Variants in GSE1 observed in about 807,000 individuals in gnomAD.
The protein encoded by GSE1 is genetic suppressor element 1.
A neutral mutation model predicts 112.6 loss-of-function variants in GSE1; 32 were observed. The ratio of observed to expected loss-of-function variants is 0.28; its 90% CI spans 0.21 to 0.38. The LOEUF is 0.38. Among genes scored for constraint, GSE1 ranks in the 10% least tolerant of loss-of-function variants. The pLI, the probability that GSE1 is intolerant of heterozygous loss-of-function variation, is 1.00. For synonymous variants in GSE1, 1,115 were observed against 735.6 expected, an observed-to-expected ratio of 1.52 and a Z score of -8.35; for missense variants, 2,348 against 1,699.2, an observed-to-expected ratio of 1.38 and a Z score of -6.71.
chr16:85,476,997 T>C (rs2151858862), intron 2 of GSE1, among the ~76,000 whole-genome samples: 1 of 148,270 alleles, frequency 6.7e-6, no homozygotes, highest in East Asian at 2.0e-4. Context: ...TGATCTCTAC[T>C]AACTGCAACC....
rs184166800 is a variant in GSE1, at chr16:85,631,231, C to T, written c.8-2683C>T. 2.7e-4 allele frequency among the ~76,000 whole-genome samples: 41 copies of T among 152,350 alleles called. No homozygotes were observed. In the East Asian group the frequency reaches 5.8e-3, roughly 21 times the overall value. On this transcript the variant is annotated intron_variant, in intron 1 of 15. Transcript: ENST00000253458. ...ACTCGGTGTGGTGCTGAAGGTGCTTCGGTGACAGATAGGACCCGGAGGTCC... is the reference window on the plus strand; with the variant it reads ...ACTCGGTGTGGTGCTGAAGGTGCTTTGGTGACAGATAGGACCCGGAGGTCC...
At chr16:85,657,735 T>C in intron 8 of GSE1, 131 bp downstream of exon 8, 1 of 624,862 alleles carries the variant, frequency 1.6e-6, no homozygotes, top group Non-Finnish European at 2.6e-6. Flanking sequence ...TTCTGTTCTT[T>C]CATCTTCACG....
chr16:85,624,167 C>A (rs933112914), intron 1 of GSE1, among the ~76,000 whole-genome samples: 1 of 152,222 alleles, frequency 6.6e-6, no homozygotes, highest in Non-Finnish European at 1.5e-5. Context: ...AACTTGGAGA[C>A]CTCAGTGCCC....
chr16:85,432,619 T>C (rs2049148509), intron 2 of GSE1, among the ~76,000 whole-genome samples: 1 of 152,260 alleles, frequency 6.6e-6, no homozygotes, highest in Admixed American at 6.5e-5. Flanking sequence ...GCCACCTTTG[T>C]GTGTTTCCAC....
chr16:85,617,324 GAGGGCC>G (rs2048431639), intron 1 of GSE1, among the ~76,000 whole-genome samples: 1 of 152,222 alleles, frequency 6.6e-6, no homozygotes, highest in African/African-American at 2.4e-5. Context: ...TGGTGCTGGA[GAGGGCC>G]TCTGGTTTAC....
At chr16:85,295,247 C>G (rs2045334687) in intron 1 of GSE1, among the ~76,000 whole-genome samples, 1 of 152,220 alleles carries the variant, frequency 6.6e-6, no homozygotes, top group Non-Finnish European at 1.5e-5. Flanking sequence ...ATGGCCTGTG[C>G]TGGGCATTTC....
rs765809125 is a variant in GSE1, at chr16:85,663,479, C to A, written c.2509C>A (p.Gln837Lys). 5 of 1,613,944 alleles carry A rather than the reference C, an allele frequency of 3.1e-6. No homozygotes were observed. The highest frequency in any genetic ancestry group is 1.1e-5 in the South Asian group (1 of 91,080). ...GCCCCCAACAATTCAGAGCAAGCGG[C>A]AGACGCCTTCACCGAGACTGGCGCT... is the stretch of plus-strand genomic sequence containing the variant. ...PSPPTIQSKRQTPSPRLALST... is the reference protein window; with the variant it reads ...PSPPTIQSKRKTPSPRLALST... The change falls in exon 11 of 16, where the codon CAG (glutamine) becomes AAG (lysine). Residue 837 changes from glutamine (Q) to lysine (K), a missense_variant. Transcript: ENST00000253458.
intron 2 of GSE1, among the ~76,000 whole-genome samples, chr16:85,460,345 G>A (rs1244743749): frequency 2.0e-5 from 3 of 152,122 alleles, no homozygotes; most frequent in Admixed American, 6.5e-5. Flanking sequence ...TCAGGGGTGC[G>A]GCCCAGCCTG....
chr16:85,512,227 C>G (rs375586559), intron 2 of GSE1, among the ~76,000 whole-genome samples: 14 of 152,302 alleles, frequency 9.2e-5, no homozygotes, highest in African/African-American at 2.2e-4. Flanking sequence ...GCCCCCTCAA[C>G]GCCAAGCCTG....
chr16:85,413,431 G>A (rs2151720910), intron 2 of GSE1, among the ~76,000 whole-genome samples: 1 of 152,138 alleles, frequency 6.6e-6, no homozygotes, highest in South Asian at 2.1e-4. Context: ...AAGCATGGCG[G>A]CCTGCTCTCC....
At chr16:85,656,246 C>A (rs373726559) in intron 6 of GSE1, 97 bp from the exon 7 acceptor site, 1 of 1,466,352 alleles carries the variant, frequency 6.8e-7, no homozygotes, top group African/African-American at 1.4e-5. Flanking sequence ...AGATTAGCGC[C>A]CTGGCTCGTT....
chr16:85,601,075 A>G (rs2047443503), intron 1 of GSE1, among the ~76,000 whole-genome samples: 1 of 152,010 alleles, frequency 6.6e-6, no homozygotes, highest in Non-Finnish European at 1.5e-5. Flanking sequence ...GGCTTGAAGG[A>G]AGAGGTCAGG....
At chr16:85,380,942 T>C (rs1025826231) in intron 2 of GSE1, among the ~76,000 whole-genome samples, 1 of 152,216 alleles carries the variant, frequency 6.6e-6, no homozygotes, top group Non-Finnish European at 1.5e-5. Flanking sequence ...TTTAATTTTT[T>C]AAAGTTGAGG....
intron 2 of GSE1, among the ~76,000 whole-genome samples, chr16:85,445,903 G>T (rs2151791710): frequency 6.6e-6 from 1 of 152,336 alleles, no homozygotes; most frequent in South Asian, 2.1e-4. Flanking sequence ...TGTGTCTTCA[G>T]GCGGGTGTCC....
chr16:85,494,353 AC>A (rs2051103398), intron 2 of GSE1, among the ~76,000 whole-genome samples: 1 of 151,564 alleles, frequency 6.6e-6, no homozygotes, highest in Non-Finnish European at 1.5e-5. Context: ...TCTTGTAAGG[AC>A]CCCAGTCATG....
At chr16:85,476,004 C>T (rs1347050052) in intron 2 of GSE1, among the ~76,000 whole-genome samples, 1 of 152,152 alleles carries the variant, frequency 6.6e-6, no homozygotes, top group Non-Finnish European at 1.5e-5. Context: ...GATCTTGGCT[C>T]ACTGCAACTG....
At position 85,673,506 on chromosome 16, in the gene GSE1, G is replaced by C. The variant is rs922168321; in HGVS notation, c.*967G>C. ...AAAAAAAAAAAAAACCTTGCTTTTA[G>C]TGTTTGTACTGCTGCTGGTCAGGAC... On this transcript the variant is annotated 3_prime_UTR_variant, in exon 16 of 16. Transcript: ENST00000253458. The C allele has an allele frequency of 8.8e-5, 13 of 148,552 alleles. No individual in the cohort carries two copies. Among genetic ancestry groups the C allele is most frequent in the African/African-American group, 3.2e-4 (13 of 40,382 alleles). 9.2% of individuals were successfully genotyped at this position (148,552 alleles called of 1,614,324 possible).
chr16:85,636,791 T>C (rs147684718), intron 2 of GSE1, among the ~76,000 whole-genome samples: 33 of 152,236 alleles, frequency 2.2e-4, no homozygotes, highest in African/African-American at 7.9e-4. Flanking sequence ...CCACTGCCAG[T>C]GGAGCAGGGA....
intron 1 of GSE1, among the ~76,000 whole-genome samples, chr16:85,267,784 C>T (rs1412012840): frequency 2.0e-5 from 3 of 152,192 alleles, no homozygotes; most frequent in African/African-American, 7.2e-5. Context: ...ACAACCAGGG[C>T]ACTGTATCGA....
Sources: gnomAD v4.1 joint callset for allele counts (sites outside exome capture counted in the v4.1 genomes callset) on GRCh38, gnomAD v4.1.1 for gene constraint, MANE v1.5 for transcripts, NCBI Gene and HGNC (gene_info 2026-07-23, HGNC 2026-07-21) for gene names.